Variants in ZNF385B observed in about 807,000 individuals in gnomAD.
The protein encoded by ZNF385B is zinc finger protein 533.
ZNF385B carries 23 observed loss-of-function variants against 39.2 expected under a neutral mutation model. The ratio of observed to expected loss-of-function variants is 0.59; its 90% CI spans 0.42 to 0.83. ZNF385B has a LOEUF of 0.83. Ranked by LOEUF, ZNF385B falls within the 40% of genes least tolerant of loss-of-function variation. The probability of loss-of-function intolerance (pLI) is 0.00; values close to 1 mark genes in which losing one functional copy is unlikely to be tolerated. For synonymous variants in ZNF385B, 205 were observed against 222.6 expected (o/e 0.92, Z 0.70); for missense variants, 552 against 598.9 (o/e 0.92, Z 0.82).
rs747149684 is a variant in ZNF385B, at chr2:179,445,527, T to A, written c.1140+23A>T. On this transcript the variant is annotated intron_variant, in intron 8 of 9. Coordinates refer to ENST00000410066, the MANE Select transcript of ZNF385B (RefSeq NM_152520.6). Reference sequence around the variant, plus strand: ...CAAGTGGTGACCTAAAACAATAATGTTTACTAATTCAGGATACGTTACCTG... The same window carrying A: ...CAAGTGGTGACCTAAAACAATAATGATTACTAATTCAGGATACGTTACCTG... 5 of 1,595,112 alleles carry A rather than the reference T, an allele frequency of 3.1e-6. No individual in the cohort carries two copies. In the Admixed American group the frequency reaches 8.6e-5, roughly 27 times the overall value.
At chr2:179,759,920 G>A (rs1703265786) in intron 3 of ZNF385B, among the ~76,000 whole-genome samples, 1 of 151,872 alleles carries the variant, frequency 6.6e-6, no homozygotes. Context: ...AAAACTGGGG[G>A]GTTTAGGTGG....
chr2:179,515,217 C>G (rs1274482639), intron 5 of ZNF385B, among the ~76,000 whole-genome samples: 1 of 152,214 alleles, frequency 6.6e-6, no homozygotes, highest in Non-Finnish European at 1.5e-5. Flanking sequence ...TATCTATCAT[C>G]AACCTTGTTA....
At chr2:179,718,960 G>C (rs1010999623) in intron 3 of ZNF385B, among the ~76,000 whole-genome samples, 2 of 151,850 alleles carry the variant, frequency 1.3e-5, no homozygotes, top group Admixed American at 6.6e-5. Context: ...CTGTGTGTGT[G>C]TGTGTGTGTG....
chr2:179,794,972 A>T (rs578161351), intron 1 of ZNF385B, among the ~76,000 whole-genome samples: 523 of 151,686 alleles, frequency 3.4e-3, no homozygotes, highest in South Asian at 7.5e-3. Context: ...GAGAATTTTT[A>T]AAAAATGAAT....
At chr2:179,561,668 GA>G (rs567640094) in intron 3 of ZNF385B, among the ~76,000 whole-genome samples, 86 of 151,280 alleles carry the variant, frequency 5.7e-4, no homozygotes, top group African/African-American at 2.0e-3. Context: ...AAAGGTGGGG[GA>G]AAATAAAGTG....
At chr2:179,816,483 C>G (rs1707079545) in intron 1 of ZNF385B, among the ~76,000 whole-genome samples, 1 of 152,170 alleles carries the variant, frequency 6.6e-6, no homozygotes, top group Non-Finnish European at 1.5e-5. Flanking sequence ...TCTCTAATGA[C>G]TTCGTATTTC....
intron 1 of ZNF385B, among the ~76,000 whole-genome samples, chr2:179,810,468 A>AAT (rs1706664323): frequency 6.6e-6 from 1 of 151,696 alleles, no homozygotes; most frequent in African/African-American, 2.4e-5. Context: ...CATTGACACA[A>AAT]ATATATATAC....
At position 179,533,779 on chromosome 2, in the gene ZNF385B, G is replaced by T. The variant is rs74898377; in HGVS notation, c.441+11048C>A. Reference sequence around the variant, plus strand: ...TGCCATTTTAACCTAGTTGCAATTTGATTAATGAATAACATGGGAATAAGG... The same window carrying T: ...TGCCATTTTAACCTAGTTGCAATTTTATTAATGAATAACATGGGAATAAGG... On this transcript the variant is annotated intron_variant, in intron 4 of 9. Transcript: ENST00000410066. 3.1e-3 allele frequency among the ~76,000 whole-genome samples: 467 copies of T among 152,220 alleles called. 4 individuals are homozygous for T. The highest frequency in any genetic ancestry group is 9.5e-3 in the African/African-American group (394 of 41,532).
chr2:179,639,360 A>C (rs988903291), intron 3 of ZNF385B, among the ~76,000 whole-genome samples: 2 of 152,148 alleles, frequency 1.3e-5, no homozygotes, highest in Admixed American at 1.3e-4. Flanking sequence ...TGGTGACTAC[A>C]GTTAATAATA....
chr2:179,444,881 G>C lies in ZNF385B; in HGVS notation c.1237C>G (p.Leu413Val). 1 of 1,613,968 alleles carries C rather than the reference G, an allele frequency of 6.2e-7. No individual in the cohort carries two copies. The highest frequency in any genetic ancestry group is 8.5e-7 in the Non-Finnish European group (1 of 1,179,852). ...AGCAGGTGAGGTAAACTTACTGCTA[G>C]AATACTCGGGCTCCGCTGGAGTTTG... ...YNKLQRSPSI[L>V]AAKLAFQKDM... Residue 413 changes from leucine (L) to valine (V), a missense_variant, in exon 9 of 10, where the codon CTA (leucine) becomes GTA (valine). Transcript: ENST00000410066.
intron 5 of ZNF385B, among the ~76,000 whole-genome samples, chr2:179,497,196 T>C (rs778262224): frequency 1.4e-4 from 21 of 152,090 alleles, no homozygotes; most frequent in Admixed American, 9.2e-4. Context: ...GAACAATAAA[T>C]AATCACGTGA....
chr2:179,538,014 G>T (rs1157670519), intron 4 of ZNF385B, among the ~76,000 whole-genome samples: 3 of 151,872 alleles, frequency 2.0e-5, no homozygotes, highest in African/African-American at 7.3e-5. Context: ...TTAGTTCTAT[G>T]CACTCCTTTA....
chr2:179,677,658 A>G (rs1697016816), intron 3 of ZNF385B, among the ~76,000 whole-genome samples: 2 of 152,206 alleles, frequency 1.3e-5, no homozygotes, highest in African/African-American at 4.8e-5. Flanking sequence ...AATAGTTGAG[A>G]TGGGAAGGGC....
rs1262802536 is a variant in ZNF385B at position 179,568,331 on chromosome 2, T to C, written c.299-23362A>G. ...CACTTACTTGTCTCTAAAATGATCA[T>C]GTTTTACTTGTTTACTTGTTCATTA... On this transcript the variant is annotated intron_variant, in intron 3 of 9. Coordinates refer to ENST00000410066, the MANE Select transcript of ZNF385B (RefSeq NM_152520.6). Among the ~76,000 whole-genome samples, 4 of 152,362 alleles carry C rather than the reference T, an allele frequency of 2.6e-5. No individual in the cohort carries two copies. In the East Asian group the frequency reaches 7.7e-4, roughly 29 times the overall value.
At chr2:179,819,646 G>A (rs1013301153) in intron 1 of ZNF385B, among the ~76,000 whole-genome samples, 13 of 152,266 alleles carry the variant, frequency 8.5e-5, no homozygotes, top group East Asian at 5.8e-4. Flanking sequence ...CAGGCCCTCC[G>A]AAAGTTGAGG....
At chr2:179,652,562 C>G (rs1228662103) in intron 3 of ZNF385B, among the ~76,000 whole-genome samples, 1 of 152,104 alleles carries the variant, frequency 6.6e-6, no homozygotes, top group African/African-American at 2.4e-5. Flanking sequence ...ATTACCATAA[C>G]TCTCAGTCAC....
intron 1 of ZNF385B, among the ~76,000 whole-genome samples, chr2:179,831,830 T>C (rs1559234083): frequency 6.6e-6 from 1 of 152,338 alleles, no homozygotes; most frequent in East Asian, 1.9e-4. Flanking sequence ...ATCTGTCTCT[T>C]GAGATCTCAA....
At chr2:179,735,078 A>G (rs1024981565) in intron 3 of ZNF385B, among the ~76,000 whole-genome samples, 3 of 152,136 alleles carry the variant, frequency 2.0e-5, no homozygotes, top group Non-Finnish European at 2.9e-5. Context: ...AGAAACTACC[A>G]TCAGAGTGAA....
At chr2:179,444,776 C>T (rs905722574) in intron 9 of ZNF385B, 100 bp downstream of exon 9, 31 of 1,001,284 alleles carry the variant, frequency 3.1e-5, no homozygotes, top group Non-Finnish European at 4.3e-5. Context: ...AAATTTGAAA[C>T]CTTTCATGAC....
Sources: allele counts gnomAD v4.1 joint callset (sites outside exome capture counted in the v4.1 genomes callset), GRCh38; gene constraint gnomAD v4.1.1; transcripts MANE v1.5; gene names NCBI Gene and HGNC (gene_info 2026-07-23, HGNC 2026-07-21).